Variants in ABCC5 observed in about 807,000 individuals in gnomAD.
ABCC5 encodes ATP-binding cassette sub-family C member 5.
ABCC5 carries 61 observed loss-of-function variants against 160.9 expected under a neutral mutation model. The observed-to-expected ratio is 0.38, with a 90% CI of 0.31 to 0.47. The LOEUF is 0.47. Ranked by LOEUF, ABCC5 falls within the 20% of genes least tolerant of loss-of-function variation. ABCC5 has a pLI of 0.99. For missense variants in ABCC5, 1,308 were observed against 1,813.3 expected (o/e 0.72, Z 5.06); for synonymous variants, 666 against 700.6 (o/e 0.95, Z 0.78).
intron 5 of ABCC5, chr3:183,984,010 A>G (rs1306171736): frequency 2.0e-6 from 2 of 985,318 alleles, no homozygotes; most frequent in East Asian, 1.1e-4. Flanking sequence ...ACAGCACTCA[A>G]TCAGTGAGGG....
At chr3:184,011,582 C>T (rs1721747658) in intron 2 of ABCC5, among the ~76,000 whole-genome samples, 1 of 152,138 alleles carries the variant, frequency 6.6e-6, no homozygotes, top group Admixed American at 6.6e-5. Flanking sequence ...TATGTTCACA[C>T]AAAATCCTGT....
intron 2 of ABCC5, among the ~76,000 whole-genome samples, chr3:184,002,572 G>T (rs532816109): frequency 1.3e-3 from 197 of 152,276 alleles, no homozygotes; most frequent in African/African-American, 4.4e-3. Context: ...ACGCTTCTGC[G>T]GGCGCTAACG....
chr3:184,013,672 C>T (rs2108934312), intron 2 of ABCC5, among the ~76,000 whole-genome samples: 1 of 152,228 alleles, frequency 6.6e-6, no homozygotes, highest in East Asian at 1.9e-4. Context: ...GACCCCCTCC[C>T]CCTCAATAAG....
At chr3:183,959,885 G>A in intron 16 of ABCC5, 50 bp from the exon 17 acceptor site, 1 of 1,311,056 alleles carries the variant, frequency 7.6e-7, no homozygotes, top group Non-Finnish European at 1.1e-6. Flanking sequence ...CCATCCAGAT[G>A]AATGTCCACA....
intron 11 of ABCC5, among the ~76,000 whole-genome samples, chr3:183,968,719 C>T (rs1577557171): frequency 6.6e-6 from 1 of 152,266 alleles, no homozygotes; most frequent in Admixed American, 6.5e-5. Context: ...TTGTTTACAA[C>T]CCCGTGCCAG....
rs10541470 is a variant in ABCC5, at chr3:184,010,266, C to CAA, written c.129+3996_129+3997dup. Among the ~76,000 whole-genome samples, 675 of 74,008 alleles carry CAA rather than the reference C, an allele frequency of 9.1e-3. 1 individual carries two copies. The highest frequency in any genetic ancestry group is 0.011 in the Middle Eastern group (1 of 90). The allele number at this position is 74,008 out of a possible 152,430, so 48.6% of individuals were successfully genotyped here. A position where few individuals can be genotyped will look rare whatever the true frequency, so the allele number is the denominator to read the frequency against. ...TGGGTGACAGAAGGAGACTTCGTCT[C>CAA]AAAAAAAAAAAAAAAAAAAAAAAGT... On this transcript the variant is annotated intron_variant, in intron 2 of 29. Transcript: ENST00000334444.
rs180713519 is a variant in ABCC5, at chr3:183,928,176, G to A, written c.3933+571C>T. Among the ~76,000 whole-genome samples, 39 of 150,460 alleles carry A rather than the reference G, an allele frequency of 2.6e-4. 1 individual carries two copies. In the East Asian group the frequency reaches 6.9e-3, roughly 27 times the overall value. On this transcript the variant is annotated intron_variant, in intron 27 of 29. Coordinates refer to ENST00000334444, the MANE Select transcript of ABCC5 (RefSeq NM_005688.4). ...TGCCCAGGCTGGAGTGCAGTGGTGC[G>A]CTCTCGCTCACTGCAACCTCTGTCT...
chr3:183,931,239 T>A (rs532492851), intron 26 of ABCC5, among the ~76,000 whole-genome samples: 1 of 152,032 alleles, frequency 6.6e-6, no homozygotes, highest in South Asian at 2.1e-4. Flanking sequence ...AAGCGAGAAC[T>A]GCTGTACACA....
At chr3:183,940,674 C>T (rs1298592972) in intron 25 of ABCC5, among the ~76,000 whole-genome samples, 2 of 151,916 alleles carry the variant, frequency 1.3e-5, no homozygotes, top group Non-Finnish European at 2.9e-5. Flanking sequence ...ACCACCTGGA[C>T]TGGAAGACTT....
At chr3:183,925,143 G>A (rs940315631) in intron 29 of ABCC5, among the ~76,000 whole-genome samples, 1 of 152,208 alleles carries the variant, frequency 6.6e-6, no homozygotes, top group African/African-American at 2.4e-5. Context: ...AGGCCTCCGG[G>A]AGCGGTAATC....
intron 29 of ABCC5, among the ~76,000 whole-genome samples, chr3:183,922,100 G>A (rs1244974667): frequency 6.6e-6 from 1 of 151,872 alleles, no homozygotes; most frequent in African/African-American, 2.4e-5. Flanking sequence ...GGCTGGGTGC[G>A]GTGGTTGATG....
rs374007737 is a variant in ABCC5 at position 183,981,807 on chromosome 3, T to C, written c.1067A>G (p.Gln356Arg). 3.7e-6 allele frequency: 6 copies of C among 1,612,418 alleles called. No homozygotes were observed. Among genetic ancestry groups the C allele is most frequent in the Non-Finnish European group, 5.1e-6 (6 of 1,179,616 alleles). Residue 356 changes from glutamine to arginine, a missense_variant, in exon 8 of 30, where the codon CAG (glutamine) becomes CGG (arginine). This residue lies in a region of ABCC5 where 1,142 missense variants were observed against 1,527.1 expected (regional missense o/e 0.75). Transcript: ENST00000334444. ...KCVAATDERV[Q>R]KMNEVLTYIK... ...GTAAGTAAGAACTTCATTCATCTTC[T>C]GGACACGTTCATCCGTGGCGGCCAC... is the stretch of plus-strand genomic sequence containing the variant.
chr3:183,963,408 G>C lies in ABCC5; in HGVS notation c.2212C>G (p.Leu738Val). The change falls in exon 15 of 30, where the codon CTG becomes GTG. Residue 738 changes from leucine (L) to valine (V), a missense_variant. Leu to Val is a conservative substitution (Grantham distance 32). Around this residue, in one of 3 missense-constraint regions of ABCC5, gnomAD observed 1,142 missense variants for 1,527.1 expected, o/e 0.75. Coordinates refer to ENST00000334444, the MANE Select transcript of ABCC5 (RefSeq NM_005688.4). The surrounding 1 kb of genome is among the most constrained non-coding windows in gnomAD (Gnocchi z 4.6). ...ACCTGTAACTGGTGGGTAACAAACA[G>C]AACTGTCTTGGACTTGAGATGTTTC... is the stretch of plus-strand genomic sequence containing the variant. ...IRKHLKSKTV[L>V]FVTHQLQYLV... 2 of 1,614,234 alleles carry C rather than the reference G, an allele frequency of 1.2e-6. No individual in the cohort carries two copies. Among genetic ancestry groups the C allele is most frequent in the Non-Finnish European group, 1.7e-6 (2 of 1,180,046 alleles).
chr3:183,959,931 T>C lies in ABCC5; in HGVS notation c.2380-96A>G, dbSNP rs1039488382. 1.1e-5 allele frequency: 9 copies of C among 829,118 alleles called. No homozygotes were observed. In the African/African-American group the frequency reaches 1.6e-4, roughly 14 times the overall value. 51.4% of individuals were successfully genotyped at this position (829,118 alleles called of 1,614,324 possible). On this transcript the variant is annotated intron_variant, in intron 16 of 29. Coordinates refer to ENST00000334444, the MANE Select transcript of ABCC5 (RefSeq NM_005688.4). ...TAGGGAATCATCAATTAAACTGCTATTACTGAAAAAAGATACATCCAACTT... is the reference window on the plus strand; with the variant it reads ...TAGGGAATCATCAATTAAACTGCTACTACTGAAAAAAGATACATCCAACTT...
At position 183,982,314 on chromosome 3, in the gene ABCC5, C is replaced by T. The variant is rs559389866; in HGVS notation, c.999+137G>A. On this transcript the variant is annotated intron_variant, in intron 7 of 29. Coordinates refer to ENST00000334444, the MANE Select transcript of ABCC5 (RefSeq NM_005688.4). This position sits in a 1 kb window ranked among gnomAD's most constrained non-coding sequence, Gnocchi z 5.2. ...TCTGTCCCTATAGAGCAAGCACTAT[C>T]GAGCTCTAGATTGAACCTGCTTTGA... 370 of 958,998 alleles carry T rather than the reference C, an allele frequency of 3.9e-4. No homozygotes were observed. Among genetic ancestry groups the T allele is most frequent in the African/African-American group, 2.8e-3 (170 of 59,912 alleles). The allele number at this position is 958,998 out of a possible 1,614,324, so 59.4% of individuals were successfully genotyped here. A position where few individuals can be genotyped will look rare whatever the true frequency, so the allele number is the denominator to read the frequency against.
At chr3:184,010,087 A>T in intron 2 of ABCC5, 1 of 309,842 alleles carries the variant, frequency 3.2e-6, no homozygotes, top group Non-Finnish European at 6.4e-6. Flanking sequence ...CAGGCGGATC[A>T]CTTGAGCTCA....
chr3:183,929,809 GC>G (rs1713000377), intron 26 of ABCC5, among the ~76,000 whole-genome samples: 1 of 152,020 alleles, frequency 6.6e-6, no homozygotes, highest in South Asian at 2.1e-4. Flanking sequence ...ATGGGGTTTT[GC>G]CATGTTGCCC....
At position 183,949,993 on chromosome 3, in the gene ABCC5, G is replaced by C; in HGVS notation, c.3077C>G (p.Ser1026Ter). Reference protein sequence around the residue: ...VAVGPLVILFSVLHIVSRVLI... With the variant: ...VAVGPLVILF The stretch of plus-strand genomic sequence containing the variant: ...TTACCTGGAGACAATGTGCAGGACT[G>C]AAAAGAGGATGACAAGGGGCCCCAC... The change falls in exon 21 of 30, where the codon TCA becomes TGA. Residue 1026 changes from serine (S) to a stop codon, truncating the protein, a stop_gained. Transcript: ENST00000334444. LOFTEE classifies it high-confidence loss of function. This position sits in a 1 kb window ranked among gnomAD's most constrained non-coding sequence, Gnocchi z 4.2. 3 of 1,614,168 alleles carry C rather than the reference G, an allele frequency of 1.9e-6. No individual in the cohort carries two copies. Among genetic ancestry groups the C allele is most frequent in the Non-Finnish European group, 2.5e-6 (3 of 1,180,034 alleles).
At chr3:183,977,472 G>T in intron 10 of ABCC5, 45 bp downstream of exon 10, 1 of 1,427,834 alleles carries the variant, frequency 7.0e-7, no homozygotes, top group Non-Finnish European at 9.9e-7. Context: ...AGTTAGTTGT[G>T]TGGGGAGGGC....
Sources: gnomAD v4.1 joint callset for allele counts (sites outside exome capture counted in the v4.1 genomes callset) on GRCh38, gnomAD v4.1.1 for gene constraint, gnomAD v4.1.1 regional missense constraint, Gnocchi (gnomAD v3.1) non-coding constraint, MANE v1.5 for transcripts, NCBI Gene and HGNC (gene_info 2026-07-23, HGNC 2026-07-21) for gene names.